Variants in ROBO1 observed in about 807,000 individuals in gnomAD.
ROBO1 encodes the protein roundabout homolog 1.
Under a neutral mutation model 195.9 loss-of-function variants are expected in ROBO1, and 149 were observed. The ratio of observed to expected loss-of-function variants is 0.76; its 90% CI spans 0.67 to 0.87. ROBO1 has a LOEUF of 0.87. ROBO1 is among the 40% of genes least tolerant of loss of function. ROBO1 has a pLI of 0.00. For missense variants in ROBO1, 1,933 were observed against 2,068.3 expected (o/e 0.93, Z 1.27); for synonymous variants, 816 against 733.2 (o/e 1.11, Z -1.82).
chr3:78,687,029 C>T (rs2081067490), intron 9 of ROBO1, among the ~76,000 whole-genome samples: 1 of 152,124 alleles, frequency 6.6e-6, no homozygotes, highest in Non-Finnish European at 1.5e-5. Context: ...TTTTAATATA[C>T]ATTCTTTTAT....
chr3:79,699,417 C>T (rs57379497), intron 1 of ROBO1, among the ~76,000 whole-genome samples: 8 of 151,426 alleles, frequency 5.3e-5, no homozygotes, highest in African/African-American at 1.9e-4. Flanking sequence ...TTCAAAATCT[C>T]GAAGTACCAT....
At chr3:79,549,613 T>C (rs931673220) in intron 2 of ROBO1, among the ~76,000 whole-genome samples, 2 of 152,198 alleles carry the variant, frequency 1.3e-5, no homozygotes, top group Admixed American at 1.3e-4. Flanking sequence ...GTATTATAAG[T>C]AATCTATAAA....
chr3:78,804,730 G>A (rs1227789833), intron 4 of ROBO1, among the ~76,000 whole-genome samples: 13 of 8,368 alleles, frequency 1.6e-3, no homozygotes, highest in Non-Finnish European at 1.9e-3. Flanking sequence ...CTGGAGCAAA[G>A]GCAAAAAAAA....
At chr3:79,325,999 C>T (rs2034194869) in intron 2 of ROBO1, among the ~76,000 whole-genome samples, 1 of 152,108 alleles carries the variant, frequency 6.6e-6, no homozygotes, top group South Asian at 2.1e-4. Context: ...GATGGCCCCC[C>T]TGGGTGTGGC....
chr3:79,003,459 G>C (rs1171973062), intron 3 of ROBO1, among the ~76,000 whole-genome samples: 2 of 151,752 alleles, frequency 1.3e-5, no homozygotes, highest in African/African-American at 2.4e-5. Context: ...TAGAAACAAT[G>C]CAACAATTCA....
At chr3:79,710,771 G>T (rs576272114) in intron 1 of ROBO1, among the ~76,000 whole-genome samples, 1 of 152,254 alleles carries the variant, frequency 6.6e-6, no homozygotes, top group East Asian at 1.9e-4. Flanking sequence ...CGTGTTCTAA[G>T]TCATATATCA....
At chr3:78,953,726 T>C (rs1463395725) in intron 3 of ROBO1, among the ~76,000 whole-genome samples, 1 of 152,024 alleles carries the variant, frequency 6.6e-6, no homozygotes, top group Non-Finnish European at 1.5e-5. Context: ...TGGGTTCAAA[T>C]CTAGCCTCTG....
chr3:78,614,822 A>T lies in ROBO1; in HGVS notation c.4283-22T>A, dbSNP rs75419975. ...CGGCCTAAGGAGAAAAAAAAAAAAA[A>T]TCCAAGCCAAACTCATCAGTGAATT... On this transcript the variant is annotated intron_variant, in intron 27 of 30. Transcript: ENST00000464233. The T allele has an allele frequency of 1.9e-6, 3 of 1,555,350 alleles. No homozygotes were observed. In the East Asian group the frequency reaches 6.9e-5, roughly 36 times the overall value.
intron 2 of ROBO1, among the ~76,000 whole-genome samples, chr3:79,194,620 C>T (rs982819534): frequency 6.6e-6 from 1 of 151,596 alleles, no homozygotes; most frequent in Non-Finnish European, 1.5e-5. Flanking sequence ...CGTATAAATG[C>T]CGCACTTGCT....
chr3:79,677,749 C>T (rs892433826), intron 1 of ROBO1, among the ~76,000 whole-genome samples: 2 of 152,212 alleles, frequency 1.3e-5, no homozygotes, highest in Non-Finnish European at 2.9e-5. Context: ...TTCAGTTCTA[C>T]AACCTTAAAG....
intron 1 of ROBO1, among the ~76,000 whole-genome samples, chr3:79,604,193 A>T (rs1944418051): frequency 6.6e-6 from 1 of 152,002 alleles, no homozygotes. Context: ...TTTGAGATAC[A>T]GAGGCAAAAA....
chr3:78,933,224 C>T (rs1054185856), intron 4 of ROBO1, among the ~76,000 whole-genome samples: 1 of 152,066 alleles, frequency 6.6e-6, no homozygotes. Context: ...TGCTGAAATG[C>T]CCATTGAAAC....
At chr3:79,404,631 G>T (rs377241906) in intron 2 of ROBO1, among the ~76,000 whole-genome samples, 1 of 152,224 alleles carries the variant, frequency 6.6e-6, no homozygotes, top group South Asian at 2.1e-4. Context: ...CTCATGTTCT[G>T]CCATCAGTTA....
intron 2 of ROBO1, among the ~76,000 whole-genome samples, chr3:79,485,565 A>AT (rs1306709983): frequency 6.6e-6 from 1 of 152,056 alleles, no homozygotes; most frequent in Non-Finnish European, 1.5e-5. Context: ...CATATCTGTC[A>AT]TTTTTTTGTT....
intron 2 of ROBO1, among the ~76,000 whole-genome samples, chr3:79,501,721 A>C (rs1394487887): frequency 6.6e-6 from 1 of 152,202 alleles, no homozygotes; most frequent in Non-Finnish European, 1.5e-5. Flanking sequence ...AATCTTCGTA[A>C]TCCCATGATT....
intron 2 of ROBO1, among the ~76,000 whole-genome samples, chr3:79,305,444 G>C (rs1381213930): frequency 7.5e-6 from 1 of 133,076 alleles, no homozygotes; most frequent in East Asian, 2.2e-4. Context: ...CCAAGATTGA[G>C]CCACTGCACT....
intron 2 of ROBO1, among the ~76,000 whole-genome samples, chr3:79,206,377 G>A (rs986310415): frequency 1.3e-5 from 2 of 152,188 alleles, no homozygotes; most frequent in Non-Finnish European, 2.9e-5. Flanking sequence ...GCCAATGAGA[G>A]CCATACAGTG....
chr3:79,523,222 C>A (rs949979196), intron 2 of ROBO1, among the ~76,000 whole-genome samples: 19 of 151,734 alleles, frequency 1.3e-4, no homozygotes, highest in Non-Finnish European at 2.4e-4. Context: ...TACAGTTACA[C>A]AATTCTCAAT....
chr3:78,846,398 T>C (rs1386629740), intron 4 of ROBO1, among the ~76,000 whole-genome samples: 1 of 152,074 alleles, frequency 6.6e-6, no homozygotes, highest in African/African-American at 2.4e-5. Flanking sequence ...TGGATGCAAA[T>C]CCTCCCCAAA....
Sources: gnomAD v4.1 joint callset for allele counts (sites outside exome capture counted in the v4.1 genomes callset) on GRCh38, gnomAD v4.1.1 for gene constraint, MANE v1.5 for transcripts, NCBI Gene and HGNC (gene_info 2026-07-23, HGNC 2026-07-21) for gene names.